Variants in FANCA observed in about 807,000 individuals in gnomAD.
FANCA encodes Fanconi anemia group A protein.
Under a neutral mutation model 194.3 loss-of-function variants are expected in FANCA, and 236 were observed. The ratio of observed to expected loss-of-function variants is 1.21; its 90% CI spans 1.09 to 1.35. The LOEUF is 1.35. Among genes scored for constraint, FANCA ranks in the 40% most tolerant of loss-of-function variants. FANCA has a pLI of 0.00. For missense variants in FANCA, 2,628 were observed against 1,813.9 expected, an observed-to-expected ratio of 1.45 and a Z score of -8.15; for synonymous variants, 1,014 against 715.8, an observed-to-expected ratio of 1.42 and a Z score of -6.65.
intron 5 of FANCA, 112 bp downstream of exon 5, chr16:89,810,595 A>C (rs757286775): frequency 1.3e-5 from 10 of 795,188 alleles, no homozygotes; most frequent in Non-Finnish European, 2.3e-5. Context: ...TCTGTAATTA[A>C]TGAGAAGCTT....
intron 27 of FANCA, among the ~76,000 whole-genome samples, chr16:89,765,670 G>A (rs748979085): frequency 1.2e-4 from 18 of 152,244 alleles, no homozygotes; most frequent in Non-Finnish European, 2.5e-4. Flanking sequence ...TTGGTGCTGC[G>A]TGACCGTGTC....
intron 14 of FANCA, among the ~76,000 whole-genome samples, chr16:89,788,931 A>C (rs1325474930): frequency 6.6e-6 from 1 of 152,092 alleles, no homozygotes; most frequent in Admixed American, 6.6e-5. Context: ...ACAAAACCAA[A>C]ACACCACCAC....
chr16:89,778,864 A>C lies in FANCA; in HGVS notation c.1777-14T>G, dbSNP rs749772271. ...GACTTTGGGGAGCTGTGGGAAGAGA[A>C]GAGACCTGTGAGAGACTGACAAGGA... On this transcript the variant is annotated splice_polypyrimidine_tract_variant and intron_variant, in intron 19 of 42. Transcript: ENST00000389301. 3.1e-6 allele frequency: 5 copies of C among 1,613,866 alleles called. No homozygotes were observed. Among genetic ancestry groups the C allele is most frequent in the Non-Finnish European group, 4.2e-6 (5 of 1,180,020 alleles).
chr16:89,811,807 T>C (rs895683794), intron 3 of FANCA, among the ~76,000 whole-genome samples: 2 of 152,128 alleles, frequency 1.3e-5, no homozygotes, highest in African/African-American at 4.8e-5. Flanking sequence ...CTCAGCTCAC[T>C]GCAACCTCCG....
chr16:89,793,546 G>C (rs559625869), intron 11 of FANCA, among the ~76,000 whole-genome samples: 27 of 152,036 alleles, frequency 1.8e-4, no homozygotes, highest in African/African-American at 6.5e-4. Flanking sequence ...TATTATACTA[G>C]AACAGCTCGT....
chr16:89,815,989 A>T lies in FANCA; in HGVS notation c.80-3T>A, dbSNP rs780727413. 6.2e-7 allele frequency: 1 copy of T among 1,610,570 alleles called. No homozygotes were observed. Among genetic ancestry groups the T allele is most frequent in the Non-Finnish European group, 8.5e-7 (1 of 1,176,882 alleles). On this transcript the variant is annotated splice_region_variant and splice_polypyrimidine_tract_variant and intron_variant, in intron 1 of 42. Coordinates refer to ENST00000389301, the MANE Select transcript of FANCA (RefSeq NM_000135.4). The stretch of plus-strand genomic sequence containing the variant: ...TTTTTCCCTCTTGACCCTTCCCGCT[A>T]CGGAGAGAAGTCGGTTCGAAACCAT...
At position 89,738,503 on chromosome 16, in the gene FANCA, G is replaced by C. The variant is rs1292978855; in HGVS notation, c.*98C>G. ...CTTTCCCCACTAAAGCAGTCGAGGA[G>C]ATTTGTAATCCACTTTTTAGTGCAA... On this transcript the variant is annotated 3_prime_UTR_variant, in exon 43 of 43. Transcript: ENST00000389301. 6 of 1,567,744 alleles carry C rather than the reference G, an allele frequency of 3.8e-6. No individual in the cohort carries two copies. The highest frequency in any genetic ancestry group is 2.3e-4 in the Middle Eastern group (1 of 4,424).
At chr16:89,815,322 C>G (rs2041062719) in intron 2 of FANCA, among the ~76,000 whole-genome samples, 1 of 144,546 alleles carries the variant, frequency 6.9e-6, no homozygotes, top group Non-Finnish European at 1.5e-5. Context: ...CAGGCGTGAG[C>G]CACCACGCCC....
At chr16:89,746,020 G>C (rs904677008) in intron 35 of FANCA, among the ~76,000 whole-genome samples, 3 of 152,200 alleles carry the variant, frequency 2.0e-5, no homozygotes, top group African/African-American at 7.2e-5. Flanking sequence ...TGATGACCGA[G>C]AAGGAAGGGC....
At chr16:89,763,332 T>C (rs935242451) in intron 28 of FANCA, among the ~76,000 whole-genome samples, 2 of 152,052 alleles carry the variant, frequency 1.3e-5, no homozygotes, top group African/African-American at 2.4e-5. Flanking sequence ...TCTCAACATA[T>C]TGGCAGGCCA....
At chr16:89,744,847 G>C (rs966535459) in intron 36 of FANCA, 112 bp downstream of exon 36, 6 of 969,528 alleles carry the variant, frequency 6.2e-6, no homozygotes, top group Non-Finnish European at 9.6e-6. Flanking sequence ...GCTCACACGA[G>C]AGGCTGCCCA....
rs774318115 is a variant in FANCA at position 89,746,624 on chromosome 16, T to C, written c.3473A>G (p.Lys1158Arg). 2 of 1,614,134 alleles carry C rather than the reference T, an allele frequency of 1.2e-6. No homozygotes were observed. Among genetic ancestry groups the C allele is most frequent in the South Asian group, 2.2e-5 (2 of 91,076 alleles). Residue 1158 changes from lysine to arginine, a missense_variant, in exon 35 of 43, where the codon AAG (lysine) becomes AGG (arginine). Physicochemically the swap from Lys to Arg is conservative, Grantham distance 26. Coordinates refer to ENST00000389301, the MANE Select transcript of FANCA (RefSeq NM_000135.4). ...PSLMVDFILA[K>R]CQTKCPLILT... ...AATTAAGGGGCATTTCGTCTGGCAC[T>C]TGGCCAGTATGAAGTCGACCATCAG...
intron 15 of FANCA, among the ~76,000 whole-genome samples, chr16:89,783,417 G>T (rs965992898): frequency 3.3e-5 from 5 of 151,878 alleles, no homozygotes; most frequent in Non-Finnish European, 7.4e-5. Flanking sequence ...CGGGCGCGGT[G>T]GTGGGCACCA....
intron 27 of FANCA, 72 bp from the exon 28 acceptor site, chr16:89,765,138 G>T: frequency 4.5e-6 from 7 of 1,554,080 alleles, no homozygotes; most frequent in Non-Finnish European, 6.2e-6. Context: ...CAAATGCTCA[G>T]GTGGAAACAG....
In FANCA at chr16:89,738,705, G is replaced by A. The variant is rs753660236; in HGVS notation, c.4264C>T (p.Leu1422=). 3.5e-5 allele frequency: 57 copies of A among 1,613,760 alleles called. No individual in the cohort carries two copies. Among genetic ancestry groups the A allele is most frequent in the Middle Eastern group, 1.6e-4 (1 of 6,080 alleles). ...GGGTCGCAGTCCCCACGATCAGCCA[G>A]CAGCTGTGAGAGAGGAGCAGGTCCT... ...KKSFSHVAEL[L]ADRGDCDPEV... is the part of the protein sequence containing the mutation. The change falls in exon 43 of 43, where the codon CTG becomes TTG. Residue 1422 remains leucine, a synonymous_variant. Coordinates refer to ENST00000389301, the MANE Select transcript of FANCA (RefSeq NM_000135.4).
chr16:89,812,315 G>A (rs1458293479), intron 3 of FANCA, among the ~76,000 whole-genome samples: 1 of 150,830 alleles, frequency 6.6e-6, no homozygotes, highest in Non-Finnish European at 1.5e-5. Flanking sequence ...TGCAGTCTGG[G>A]CGACAGAGCC....
chr16:89,796,373 C>T (rs2040248340), intron 10 of FANCA, among the ~76,000 whole-genome samples: 2 of 152,158 alleles, frequency 1.3e-5, no homozygotes, highest in African/African-American at 4.8e-5. Context: ...CCCGACGGGG[C>T]CTCAGCGGCA....
intron 14 of FANCA, among the ~76,000 whole-genome samples, chr16:89,786,657 C>T (rs55798234): frequency 0.12 from 18,514 of 152,108 alleles, 1,456 homozygotes; most frequent in Middle Eastern, 0.29. Context: ...TGCAGACAGA[C>T]CCAAAAAGCC....
chr16:89,799,551 G>A (rs2040367372), intron 9 of FANCA, 54 bp downstream of exon 9: 4 of 1,519,988 alleles, frequency 2.6e-6, no homozygotes, highest in Non-Finnish European at 3.7e-6. Flanking sequence ...TGATACAATT[G>A]CTAATAAGCA....
Sources: allele counts gnomAD v4.1 joint callset (sites outside exome capture counted in the v4.1 genomes callset), GRCh38; gene constraint gnomAD v4.1.1; transcripts MANE v1.5; gene names NCBI Gene and HGNC (gene_info 2026-07-23, HGNC 2026-07-21).